The following SPTLC2 variants were observed in gnomAD, a reference collection of about 807,000 sequenced individuals.
The protein encoded by SPTLC2 is serine palmitoyltransferase 2.
A neutral mutation model predicts 62.0 loss-of-function variants in SPTLC2; 21 were observed. The ratio of observed to expected loss-of-function variants is 0.34; its 90% CI spans 0.24 to 0.49. SPTLC2 has a LOEUF of 0.49. Among genes scored for constraint, SPTLC2 ranks in the 20% least tolerant of loss-of-function variants. The probability of loss-of-function intolerance (pLI) is 0.99; values close to 1 mark genes in which losing one functional copy is unlikely to be tolerated. For missense variants in SPTLC2, 511 were observed against 713.0 expected (o/e 0.72, Z 3.23); for synonymous variants, 261 against 261.8 (o/e 1.00, Z 0.03).
intron 1 of SPTLC2, among the ~76,000 whole-genome samples, chr14:77,601,189 T>C (rs528938479): frequency 1.3e-5 from 2 of 152,318 alleles, no homozygotes; most frequent in East Asian, 1.9e-4. Context: ...CCCAGTGACC[T>C]GCACGTATAC....
At chr14:77,601,522 G>C (rs2079877256) in intron 1 of SPTLC2, among the ~76,000 whole-genome samples, 1 of 151,518 alleles carries the variant, frequency 6.6e-6, no homozygotes, top group Non-Finnish European at 1.5e-5. Flanking sequence ...AAACAGCCTT[G>C]TTGCTCACAC....
In SPTLC2 at chr14:77,562,417, T is replaced by C. The variant is rs2079619707; in HGVS notation, c.829A>G (p.Ile277Val). 2 of 1,614,216 alleles carry C rather than the reference T, an allele frequency of 1.2e-6. No individual in the cohort carries two copies. Among genetic ancestry groups the C allele is most frequent in the East Asian group, 2.2e-5 (1 of 44,874 alleles). Residue 277 changes from isoleucine to valine, a missense_variant, in exon 6 of 12, where the codon ATT becomes GTT. Physicochemically the swap from Ile to Val is conservative, Grantham distance 29. Transcript: ENST00000216484. The part of the protein sequence containing the change: ...VLGARLSGAT[I>V]RIFKHNNMQS... ...TCACTGTTGTGTTTGAAGATTCTAATGGTTGCTCCTGACAGTCTGGCTCCC... is the reference window on the plus strand; with the variant it reads ...TCACTGTTGTGTTTGAAGATTCTAACGGTTGCTCCTGACAGTCTGGCTCCC...
In SPTLC2 at chr14:77,509,491, T is replaced by C. The variant is rs934685371; in HGVS notation, c.*2793A>G. On this transcript the variant is annotated 3_prime_UTR_variant, in exon 12 of 12. Transcript: ENST00000216484. ...AATGAGAAAAAGTGCTAAGGACTAG[T>C]CACACCTCTATCAATCGACTCAGAT... The C allele has an allele frequency of 5.8e-6, 1 of 172,102 alleles. No homozygotes were observed. Among genetic ancestry groups the C allele is most frequent in the Non-Finnish European group, 1.2e-5 (1 of 81,640 alleles). 10.7% of individuals were successfully genotyped at this position (172,102 alleles called of 1,614,324 possible).
At position 77,557,467 on chromosome 14, in the gene SPTLC2, G is replaced by A. The variant is rs17105989; in HGVS notation, c.851-321C>T. The A allele has an allele frequency of 0.063, 22,033 of 352,150 alleles. 841 individuals carry two copies. The highest frequency in any genetic ancestry group is 0.077 in the Middle Eastern group (86 of 1,120). The allele number at this position is 352,150 out of a possible 1,614,324, so 21.8% of individuals were successfully genotyped here. ...TTAAGTTAGCTTCTGTGTGTTTATC[G>A]AAAAATACAGAATCAAACTGTATCT... is the stretch of plus-strand genomic sequence containing the variant. On this transcript the variant is annotated intron_variant, in intron 6 of 11. Transcript: ENST00000216484.
In SPTLC2 at chr14:77,578,788, A is replaced by AT; in HGVS notation, c.482+166dup. 2 of 652,282 alleles carry AT rather than the reference A, an allele frequency of 3.1e-6. 1 individual carries two copies. The highest frequency in any genetic ancestry group is 5.2e-6 in the Non-Finnish European group (2 of 384,752). The allele number at this position is 652,282 out of a possible 1,614,324, so 40.4% of individuals were successfully genotyped here. Reference sequence around the variant, plus strand: ...ACAGTATCAAATGTAATAGAAAGATATATCTTAAAAAGCTCAACAATGAAG... The same window carrying AT: ...ACAGTATCAAATGTAATAGAAAGATATTATCTTAAAAAGCTCAACAATGAAG... On this transcript the variant is annotated intron_variant, in intron 3 of 11. Transcript: ENST00000216484.
intron 9 of SPTLC2, chr14:77,536,102 T>C (rs762301566): frequency 5.3e-6 from 2 of 376,642 alleles, no homozygotes; most frequent in Admixed American, 3.7e-5. Flanking sequence ...GTGGAGCAAG[T>C]ATTTCTAGAG....
intron 1 of SPTLC2, among the ~76,000 whole-genome samples, chr14:77,611,686 C>T (rs1314330945): frequency 2.0e-5 from 3 of 151,516 alleles, no homozygotes; most frequent in East Asian, 3.9e-4. Context: ...ATCAGCCAGG[C>T]GTGGTGGCGC....
chr14:77,518,270 AT>A, intron 10 of SPTLC2, 103 bp from the exon 11 acceptor site: 1 of 1,535,230 alleles, frequency 6.5e-7, no homozygotes, highest in Non-Finnish European at 8.9e-7. Flanking sequence ...TGATGCAGGC[AT>A]TGGAGACTTC....
intron 1 of SPTLC2, among the ~76,000 whole-genome samples, chr14:77,610,268 A>C (rs932108806): frequency 1.3e-5 from 2 of 152,046 alleles, no homozygotes; most frequent in African/African-American, 4.8e-5. Flanking sequence ...AGACTCCCAG[A>C]GTAGCTGGGA....
chr14:77,512,198 AGAAGTGTGGTT>A lies in SPTLC2; in HGVS notation c.*75_*85del. 1 of 1,598,208 alleles carries A rather than the reference AGAAGTGTGGTT, an allele frequency of 6.3e-7. No individual in the cohort carries two copies. The highest frequency in any genetic ancestry group is 8.6e-7 in the Non-Finnish European group (1 of 1,167,852). Reference sequence around the variant, plus strand: ...AATGTCTTTCACGTGAGATGGCCACAGAAGTGTGGTTCCTGGAACTGGCTCACAAAGGCCAC... The same window carrying A: ...AATGTCTTTCACGTGAGATGGCCACACCTGGAACTGGCTCACAAAGGCCAC... On this transcript the variant is annotated 3_prime_UTR_variant, in exon 12 of 12. Transcript: ENST00000216484.
At chr14:77,580,490 A>AC (rs1245287221) in intron 2 of SPTLC2, among the ~76,000 whole-genome samples, 2 of 150,736 alleles carry the variant, frequency 1.3e-5, no homozygotes, top group Non-Finnish European at 3.0e-5. Flanking sequence ...AAAAAAAAAA[A>AC]AATGGTTATA....
intron 5 of SPTLC2, among the ~76,000 whole-genome samples, chr14:77,565,242 C>CAAAAAA (rs59356054): frequency 5.0e-4 from 17 of 33,702 alleles, no homozygotes; most frequent in African/African-American, 1.1e-3. Flanking sequence ...AACTCCATCT[C>CAAAAAA]AAAAAAAAAA....
intron 5 of SPTLC2, among the ~76,000 whole-genome samples, chr14:77,563,463 T>C (rs2079625898): frequency 6.6e-6 from 1 of 152,204 alleles, no homozygotes. Context: ...GGAGTCTTGC[T>C]CTTGTTGCTG....
chr14:77,512,904 TGG>T (rs1188520274), intron 11 of SPTLC2, among the ~76,000 whole-genome samples: 2 of 151,698 alleles, frequency 1.3e-5, no homozygotes, highest in East Asian at 1.9e-4. Context: ...TTAGTAGAGA[TGG>T]GGTTTCACCA....
Position 77,555,347 on chromosome 14 carries a change from A to G in SPTLC2, c.1129T>C (p.Phe377Leu), listed in dbSNP as rs1320686242. 6.2e-7 allele frequency: 1 copy of G among 1,614,168 alleles called. No individual in the cohort carries two copies. Among genetic ancestry groups the G allele is most frequent in the South Asian group, 1.1e-5 (1 of 91,088 alleles). ...PEDVDVMMGT[F>L]TKSFGASGGY... ...CCAGAAGCACCAAAACTCTTTGTGAACGTTCCCATCATAACATCCACATCC... is the reference window on the plus strand; with the variant it reads ...CCAGAAGCACCAAAACTCTTTGTGAGCGTTCCCATCATAACATCCACATCC... The change falls in exon 8 of 12, where the codon TTC (phenylalanine) becomes CTC (leucine). Residue 377 changes from phenylalanine (F) to leucine (L), a missense_variant. Coordinates refer to ENST00000216484, the MANE Select transcript of SPTLC2 (RefSeq NM_004863.4).
At chr14:77,534,059 G>A (rs2079455054) in intron 9 of SPTLC2, among the ~76,000 whole-genome samples, 1 of 152,082 alleles carries the variant, frequency 6.6e-6, no homozygotes, top group Admixed American at 6.5e-5. Flanking sequence ...TTGGGAGGCT[G>A]AGGTGGGAGG....
intron 8 of SPTLC2, 151 bp from the exon 9 acceptor site, chr14:77,552,373 G>A (rs1425712081): frequency 7.2e-6 from 7 of 971,284 alleles, no homozygotes; most frequent in South Asian, 1.4e-5. Flanking sequence ...CAACATGGTC[G>A]AAGCATACCG....
chr14:77,606,245 G>A (rs1490836815), intron 1 of SPTLC2, among the ~76,000 whole-genome samples: 2 of 152,174 alleles, frequency 1.3e-5, no homozygotes, highest in South Asian at 2.1e-4. Context: ...CAGGAGAGCC[G>A]CTTGAACCCA....
intron 10 of SPTLC2, among the ~76,000 whole-genome samples, chr14:77,518,728 T>C (rs2079371226): frequency 6.6e-6 from 1 of 152,216 alleles, no homozygotes; most frequent in South Asian, 2.1e-4. Flanking sequence ...ATTCTGAGGA[T>C]TCTGCAGCTG....
Sources: gnomAD v4.1 joint callset for allele counts (sites outside exome capture counted in the v4.1 genomes callset) on GRCh38, gnomAD v4.1.1 for gene constraint, MANE v1.5 for transcripts, NCBI Gene and HGNC (gene_info 2026-07-23, HGNC 2026-07-21) for gene names.